The following BOP1 variants were observed in gnomAD, a reference collection of about 807,000 sequenced individuals.
BOP1 encodes BOP1 ribosomal biogenesis factor.
BOP1 carries 54 observed loss-of-function variants against 82.9 expected under a neutral mutation model. That is an observed-to-expected ratio of 0.65 (90% CI 0.52 to 0.82). BOP1 has a LOEUF of 0.82. BOP1 is among the 40% of genes least tolerant of loss of function. The probability of loss-of-function intolerance (pLI) is 0.00; values close to 1 mark genes in which losing one functional copy is unlikely to be tolerated. For synonymous variants in BOP1, 566 were observed against 451.1 expected (o/e 1.25, Z -3.23); for missense variants, 1,170 against 1,072.0 (o/e 1.09, Z -1.28).
intron 2 of BOP1, among the ~76,000 whole-genome samples, chr8:144,281,046 A>C (rs111418604): frequency 0.58 from 27,949 of 48,308 alleles, 6,271 homozygotes; most frequent in East Asian, 0.84. Flanking sequence ...ACCAGGTCTT[A>C]GGCCTTCTCT....
intron 1 of BOP1, 114 bp from the exon 2 acceptor site, chr8:144,289,418 C>T: frequency 9.1e-7 from 1 of 1,098,418 alleles, no homozygotes; most frequent in Non-Finnish European, 1.3e-6. Flanking sequence ...TCCATGTGGC[C>T]TCCAGGACCA....
At position 144,264,566 on chromosome 8, in the gene BOP1, GT is replaced by G; in HGVS notation, c.713del (p.Asn238ThrfsTer103). ...TGAAGCTGCGCTTGTCGGCCGGGCG[GT>G]TGGTCACCGGGTGGATCATGACGTC... ...SGDVMIHPVT[N>X]RPADKRSFIP... On this transcript the variant is annotated frameshift_variant, in exon 6 of 16. Coordinates refer to ENST00000569669, the MANE Select transcript of BOP1 (RefSeq NM_015201.5). LOFTEE classifies it high-confidence loss of function. 1 of 1,609,654 alleles carries G rather than the reference GT, an allele frequency of 6.2e-7. No individual in the cohort carries two copies. Among genetic ancestry groups the G allele is most frequent in the Non-Finnish European group, 8.5e-7 (1 of 1,178,652 alleles).
Position 144,263,324 on chromosome 8 carries a change from G to T in BOP1, c.1502C>A (p.Ala501Asp). 1.3e-6 allele frequency: 2 copies of T among 1,594,274 alleles called. No individual in the cohort carries two copies. Among genetic ancestry groups the T allele is most frequent in the Admixed American group, 3.4e-5 (2 of 59,684 alleles). ...GGGGGGCTCCTCAGGCGGGACGAAGGCGCTCAACAGCTGATCTGTGCTGCC... is the reference window on the plus strand; with the variant it reads ...GGGGGGCTCCTCAGGCGGGACGAAGTCGCTCAACAGCTGATCTGTGCTGCC... ...VAGSTDQLLS[A>D]FVPPEEPPLQ... Residue 501 changes from alanine to aspartate, a missense_variant, in exon 12 of 16, where the codon GCC becomes GAC. Ala to Asp is a moderately radical substitution (Grantham distance 126). Coordinates refer to ENST00000569669, the MANE Select transcript of BOP1 (RefSeq NM_015201.5).
chr8:144,283,925 T>C (rs1814787835), intron 2 of BOP1, among the ~76,000 whole-genome samples: 1 of 152,084 alleles, frequency 6.6e-6, no homozygotes, highest in Non-Finnish European at 1.5e-5. Flanking sequence ...CGAGACCAGC[T>C]CAGCCAACAT....
At position 144,281,624 on chromosome 8, in the gene BOP1, T is replaced by C. The variant is rs1343502750; in HGVS notation, c.310-5320A>G. ...CTTTAATACCAGGTCTTAGGCCTTC[T>C]CTTACTTTAATACTAGGTCTTAGGC... is the stretch of plus-strand genomic sequence containing the variant. On this transcript the variant is annotated intron_variant, in intron 2 of 15. Transcript: ENST00000569669. The C allele has an allele frequency of 6.0e-5, 9 of 150,762 alleles. 1 individual carries two copies. The highest frequency in any genetic ancestry group is 1.2e-4 in the African/African-American group (5 of 40,174). The allele number at this position is 150,762 out of a possible 1,614,324, so 9.3% of individuals were successfully genotyped here.
At chr8:144,269,183 G>A (rs911593241) in intron 3 of BOP1, among the ~76,000 whole-genome samples, 95 of 152,328 alleles carry the variant, frequency 6.2e-4, no homozygotes, top group Admixed American at 1.7e-3. Flanking sequence ...ACAGCTGGCT[G>A]GCCATTAAAA....
rs1431554656 is a variant in BOP1, at chr8:144,264,369, G to C, written c.834C>G (p.Pro278=). The change falls in exon 7 of 16, where the codon CCC becomes CCG. Residue 278 remains proline (P), a synonymous_variant. Coordinates refer to ENST00000569669, the MANE Select transcript of BOP1 (RefSeq NM_015201.5). ...IQPRRPRDPT[P]SFYDLWAQED... The stretch of plus-strand genomic sequence containing the variant: ...CCTGGGCCCACAGGTCATAGAAGCT[G>C]GGGGTGGGGTCTCGGGGCCGGCGAG... 6.2e-7 allele frequency: 1 copy of C among 1,604,570 alleles called. No homozygotes were observed. Among genetic ancestry groups the C allele is most frequent in the African/African-American group, 1.3e-5 (1 of 74,898 alleles).
Position 144,262,489 on chromosome 8 carries a change from G to A in BOP1, c.1994C>T (p.Ala665Val). The change falls in exon 15 of 16, where the codon GCT (alanine) becomes GTT (valine). Residue 665 changes from alanine (A) to valine (V), a missense_variant. By Grantham distance (64) the Ala-to-Val change is moderately conservative. Coordinates refer to ENST00000569669, the MANE Select transcript of BOP1 (RefSeq NM_015201.5). ...CGGGTGGAAGGCCACAGCCCGCAGA[G>A]CCTTCTTGTGGTGTCTGGGGGGAGG... ...PYRMLRHHKK[A>V]LRAVAFHPRY... 1 of 1,612,756 alleles carries A rather than the reference G, an allele frequency of 6.2e-7. No individual in the cohort carries two copies. Among genetic ancestry groups the A allele is most frequent in the Non-Finnish European group, 8.5e-7 (1 of 1,179,766 alleles).
chr8:144,262,265 C>G lies in BOP1; in HGVS notation c.2140G>C (p.Val714Leu), dbSNP rs984094886. The G allele has an allele frequency of 6.2e-7, 1 of 1,612,690 alleles. No homozygotes were observed. ...AGCACTCCCAGATCTCGGGTCAGCA[C>G]GTGTCCCTTCAGCACCTTGACGGGC... Reference protein sequence around the residue: ...LVPVKVLKGHVLTRDLGVLDV... With the variant: ...LVPVKVLKGHLLTRDLGVLDV... Residue 714 changes from valine (V) to leucine (L), a missense_variant, in exon 16 of 16, where the codon GTG becomes CTG. By Grantham distance (32) the Val-to-Leu change is conservative. Coordinates refer to ENST00000569669, the MANE Select transcript of BOP1 (RefSeq NM_015201.5).
chr8:144,270,888 C>T lies in BOP1; in HGVS notation c.390+5336G>A, dbSNP rs535999587. 3.1e-3 allele frequency among the ~76,000 whole-genome samples: 479 copies of T among 152,250 alleles called. 1 individual carries two copies. Among genetic ancestry groups the T allele is most frequent in the Non-Finnish European group, 6.2e-3 (421 of 67,984 alleles). On this transcript the variant is annotated intron_variant, in intron 3 of 15. Coordinates refer to ENST00000569669, the MANE Select transcript of BOP1 (RefSeq NM_015201.5). ...TGGGCCAGCAGCCGCCCCTGCGAGC[C>T]GAGCTGGGCTGGAAACGCTCTGCTG...
chr8:144,266,304 GC>G (rs1196961455), intron 3 of BOP1, among the ~76,000 whole-genome samples: 74 of 138,702 alleles, frequency 5.3e-4, no homozygotes, highest in African/African-American at 9.6e-4. Context: ...GACCAGCCCC[GC>G]CCCCCCCACC....
intron 3 of BOP1, among the ~76,000 whole-genome samples, chr8:144,271,210 G>A (rs1845486773): frequency 6.6e-6 from 1 of 152,120 alleles, no homozygotes; most frequent in African/African-American, 2.4e-5. Context: ...TGTCGGCTGG[G>A]ATTTTTCCGC....
At chr8:144,266,786 G>T in intron 3 of BOP1, 1 of 1,105,012 alleles carries the variant, frequency 9.0e-7, no homozygotes, top group Non-Finnish European at 1.1e-6. Flanking sequence ...AGGGCGGGGG[G>T]CCGGCGGGCC....
Position 144,291,420 on chromosome 8 carries a change from C to A in BOP1, c.-50G>T. 9.2e-7 allele frequency: 1 copy of A among 1,082,046 alleles called. No homozygotes were observed. The highest frequency in any genetic ancestry group is 1.1e-6 in the Non-Finnish European group (1 of 886,332). 67.0% of individuals were successfully genotyped at this position (1,082,046 alleles called of 1,614,324 possible). On this transcript the variant is annotated 5_prime_UTR_variant, in exon 1 of 16. Coordinates refer to ENST00000569669, the MANE Select transcript of BOP1 (RefSeq NM_015201.5). This position sits in a 1 kb window ranked among gnomAD's most constrained non-coding sequence, Gnocchi z 4.1. ...CCGCACAGCCGCTTCCGACAGCGAC[C>A]GGGCCGCGTGCGCAGGAGGACGCGC...
rs781960983 is a variant in BOP1, at chr8:144,289,155, G to GTCCTCTCCC, written c.240_248dup (p.Glu80_Glu82dup). ...TGTGGCCCTCGTCATCAAGGGCTCC[G>GTCCTCTCCC]TCCTCTCCCTCCTCGTCGCCTTCGT... On this transcript the variant is annotated inframe_insertion, in exon 2 of 16. Coordinates refer to ENST00000569669, the MANE Select transcript of BOP1 (RefSeq NM_015201.5). The GTCCTCTCCC allele has an allele frequency of 2.2e-4, 348 of 1,614,040 alleles. 2 individuals carry two copies. In the Admixed American group the frequency reaches 3.9e-3, roughly 18 times the overall value.
At chr8:144,273,539 A>AG (rs1196794003) in intron 3 of BOP1, among the ~76,000 whole-genome samples, 3 of 152,196 alleles carry the variant, frequency 2.0e-5, no homozygotes, top group Non-Finnish European at 4.4e-5. Context: ...GGCCACAGGC[A>AG]GGGGGAGGGT....
chr8:144,286,421 GCC>G (rs1814870783), intron 2 of BOP1, among the ~76,000 whole-genome samples: 3 of 138,236 alleles, frequency 2.2e-5, no homozygotes, highest in Non-Finnish European at 4.8e-5. Flanking sequence ...CAGGGCCTCG[GCC>G]CCTCAGCTAA....
Position 144,263,575 on chromosome 8 carries a change from C to T in BOP1, c.1327G>A (p.Ala443Thr). ...ACAGTCCTCACACAGCGGGCAGTGG[C>T]CACCTCCCAGAGCCGCAGGGAGCCG... ...DDGSLRLWEV[A>T]TARCVRTVPV... The change falls in exon 11 of 16, where the codon GCC becomes ACC. Residue 443 changes from alanine to threonine, a missense_variant. Physicochemically the swap from Ala to Thr is moderately conservative, Grantham distance 58. Coordinates refer to ENST00000569669, the MANE Select transcript of BOP1 (RefSeq NM_015201.5). 1.9e-6 allele frequency: 3 copies of T among 1,603,542 alleles called. No individual in the cohort carries two copies. The highest frequency in any genetic ancestry group is 1.9e-4 in the Middle Eastern group (1 of 5,192).
At position 144,291,375 on chromosome 8, in the gene BOP1, C is replaced by T. The variant is rs1815069894; in HGVS notation, c.-5G>A. ...CGCACCCCGCGAACCCGCCATGCCC[C>T]ACCGCGCGCCGGCCGCCACCCGCAC... On this transcript the variant is annotated 5_prime_UTR_variant, in exon 1 of 16. Coordinates refer to ENST00000569669, the MANE Select transcript of BOP1 (RefSeq NM_015201.5). This position sits in a 1 kb window ranked among gnomAD's most constrained non-coding sequence, Gnocchi z 4.1. 16 of 1,206,224 alleles carry T rather than the reference C, an allele frequency of 1.3e-5. No homozygotes were observed. In the South Asian group the frequency reaches 5.4e-4, roughly 41 times the overall value. The allele number at this position is 1,206,224 out of a possible 1,614,324, so 74.7% of individuals were successfully genotyped here. A position where few individuals can be genotyped will look rare whatever the true frequency, so the allele number is the denominator to read the frequency against.
Sources: allele counts gnomAD v4.1 joint callset (sites outside exome capture counted in the v4.1 genomes callset), GRCh38; gene constraint gnomAD v4.1.1; non-coding constraint Gnocchi (gnomAD v3.1); transcripts MANE v1.5; gene names NCBI Gene and HGNC (gene_info 2026-07-23, HGNC 2026-07-21).